MTMR9: variants seen among roughly 807,000 people sequenced by gnomAD.
MTMR9 encodes myotubularin related protein 9.
In MTMR9, 39 loss-of-function variants were observed where a neutral mutation model predicts 69.5. That is an observed-to-expected ratio of 0.56 (90% CI 0.43 to 0.73). MTMR9 has a LOEUF of 0.73. MTMR9 is among the 30% of genes least tolerant of loss of function. The pLI is 0.00. For synonymous variants in MTMR9, 354 were observed against 240.8 expected, an observed-to-expected ratio of 1.47 and a Z score of -4.35; for missense variants, 900 against 671.2, an observed-to-expected ratio of 1.34 and a Z score of -3.77.
chr8:11,300,323 G>A (rs1004257695), intron 3 of MTMR9, 175 bp downstream of exon 3: 1 of 566,140 alleles, frequency 1.8e-6, no homozygotes, highest in Non-Finnish European at 2.9e-6. Context: ...GATCACAAAG[G>A]AATTAGATTA....
chr8:11,300,829 T>G (rs1275382194), intron 3 of MTMR9: 1 of 152,252 alleles, frequency 6.6e-6, no homozygotes, highest in Non-Finnish European at 1.5e-5. Flanking sequence ...GCAAGAGATC[T>G]AAATAAAAGG....
intron 2 of MTMR9, among the ~76,000 whole-genome samples, chr8:11,296,483 C>T (rs1038260081): frequency 6.6e-6 from 1 of 152,186 alleles, no homozygotes; most frequent in African/African-American, 2.4e-5. Context: ...TGCAGCAGAT[C>T]TCCAGGACTT....
Position 11,316,701 on chromosome 8 carries a change from C to A in MTMR9, c.1142C>A (p.Ala381Glu), listed in dbSNP as rs766410348. 9 of 1,611,694 alleles carry A rather than the reference C, an allele frequency of 5.6e-6. No individual in the cohort carries two copies. Among genetic ancestry groups the A allele is most frequent in the Non-Finnish European group, 7.6e-6 (9 of 1,178,846 alleles). ...GGTCACCCATTCCAGCAGCGCTGTG[C>A]ACAGTCAGCCTACTGTAACACCAAG... ...QAGHPFQQRCAQSAYCNTKQK... is the reference protein window; with the variant it reads ...QAGHPFQQRCEQSAYCNTKQK... Residue 381 changes from alanine to glutamate, a missense_variant, in exon 8 of 10, where the codon GCA becomes GAA. Transcript: ENST00000221086.
chr8:11,332,202 G>A, downstream of MTMR9: 1 of 1,509,578 alleles, frequency 6.6e-7, no homozygotes, highest in South Asian at 1.3e-5. Flanking sequence ...AAAAATAAAA[G>A]AAAAAAAATA....
At chr8:11,288,332 AATATATAATATATTTATAT>A (rs1441139766) in intron 1 of MTMR9, among the ~76,000 whole-genome samples, 1 of 140,278 alleles carries the variant, frequency 7.1e-6, no homozygotes, top group African/African-American at 2.6e-5. Flanking sequence ...TATATACATA[AATATATAATATATTTATAT>A]ATATATAATA....
chr8:11,338,429 C>G, the MTMR9 span, among the ~76,000 whole-genome samples: 2 of 152,178 alleles, frequency 1.3e-5, no homozygotes, highest in Non-Finnish European at 2.9e-5. Context: ...GGAAGTGGCT[C>G]TATTGAACCG....
intron 6 of MTMR9, among the ~76,000 whole-genome samples, chr8:11,311,955 A>G (rs192735098): frequency 8.0e-5 from 12 of 150,656 alleles, no homozygotes; most frequent in African/African-American, 2.7e-4. Context: ...TCAGGATACT[A>G]CTTTTCTTGC....
At chr8:11,309,243 C>G (rs542254881) in intron 5 of MTMR9, among the ~76,000 whole-genome samples, 2 of 152,256 alleles carry the variant, frequency 1.3e-5, no homozygotes, top group African/African-American at 4.8e-5. Context: ...TCATGAAACG[C>G]AGGGCTCTGG....
At chr8:11,328,381 CTG>C (rs1177779413), downstream of MTMR9, among the ~76,000 whole-genome samples, 2 of 144,784 alleles carry the variant, frequency 1.4e-5, no homozygotes, top group East Asian at 2.1e-4. Context: ...GTTTGTTACA[CTG>C]TTATTTTGCT....
intron 1 of MTMR9, among the ~76,000 whole-genome samples, chr8:11,288,719 A>T (rs4841519): frequency 0.6 from 91,295 of 152,096 alleles, 27,870 homozygotes; most frequent in East Asian, 0.89. Context: ...TGCAGGCCAC[A>T]GTAATGGTTT....
intron 6 of MTMR9, among the ~76,000 whole-genome samples, chr8:11,312,303 G>A (rs1383525192): frequency 2.0e-5 from 3 of 151,846 alleles, no homozygotes; most frequent in Non-Finnish European, 4.4e-5. Flanking sequence ...TCCTGCCTCA[G>A]CCTCCCAAAG....
intron 9 of MTMR9, among the ~76,000 whole-genome samples, chr8:11,322,392 T>C (rs1800733234): frequency 1.3e-5 from 2 of 152,216 alleles, no homozygotes; most frequent in South Asian, 2.1e-4. Context: ...TTCTGAAGAA[T>C]CAATGAGCAT....
At chr8:11,329,405 A>G (rs981875540), downstream of MTMR9, among the ~76,000 whole-genome samples, 7 of 151,684 alleles carry the variant, frequency 4.6e-5, no homozygotes, top group African/African-American at 9.7e-5. Context: ...GCTCACTGCA[A>G]CCTCCCTGCC....
At chr8:11,338,206 C>T in the MTMR9 span, among the ~76,000 whole-genome samples, 3 of 152,362 alleles carry the variant, frequency 2.0e-5, no homozygotes, top group Non-Finnish European at 4.4e-5. Flanking sequence ...GATGCCAGAA[C>T]TTCCTCGGCA....
At chr8:11,316,454 C>T (rs569444459) in intron 7 of MTMR9, 5 of 389,830 alleles carry the variant, frequency 1.3e-5, no homozygotes, top group African/African-American at 2.1e-5. Context: ...ACCTTAGCCG[C>T]GCAGCCTCAT....
At position 11,319,676 on chromosome 8, in the gene MTMR9, T is replaced by C; in HGVS notation, c.1335-11T>C. ...TTAATTACTTTAATGGCAGTGTTCT[T>C]TCTTGATCAGATGTAAGTTGAAGCT... On this transcript the variant is annotated splice_polypyrimidine_tract_variant and intron_variant, in intron 8 of 9. Coordinates refer to ENST00000221086, the MANE Select transcript of MTMR9 (RefSeq NM_015458.4). The C allele has an allele frequency of 6.2e-7, 1 of 1,613,182 alleles. No homozygotes were observed. The highest frequency in any genetic ancestry group is 8.5e-7 in the Non-Finnish European group (1 of 1,179,924).
rs1314604652 is a variant in MTMR9, at chr8:11,315,037, G to A, written c.1086G>A (p.Glu362=). 1 of 1,613,710 alleles carries A rather than the reference G, an allele frequency of 6.2e-7. No individual in the cohort carries two copies. The highest frequency in any genetic ancestry group is 2.2e-5 in the East Asian group (1 of 44,880). Residue 362 remains glutamate (E), a synonymous_variant, in exon 7 of 10, where the codon GAG becomes GAA. Transcript: ENST00000221086. The part of the protein sequence containing the change: ...EPRSRTIRGF[E]ALIEREWLQA... ...GAAGCAGGACCATTCGTGGTTTTGA[G>A]GCCCTGATTGAAAGAGAGTGGCTGC...
intron 5 of MTMR9, among the ~76,000 whole-genome samples, chr8:11,307,803 G>T (rs941838193): frequency 6.6e-6 from 1 of 152,130 alleles, no homozygotes; most frequent in Non-Finnish European, 1.5e-5. Flanking sequence ...GATGAGTGAT[G>T]CAGAGCATTT....
chr8:11,325,267 A>C lies in MTMR9; in HGVS notation c.*2479A>C, dbSNP rs1800878454. The C allele has an allele frequency of 6.6e-6, 1 of 152,232 alleles. No homozygotes were observed. The highest frequency in any genetic ancestry group is 1.5e-5 in the Non-Finnish European group (1 of 68,042). 9.4% of individuals were successfully genotyped at this position (152,232 alleles called of 1,614,324 possible). A position where few individuals can be genotyped will look rare whatever the true frequency, so the allele number is the denominator to read the frequency against. ...AACGGTCAGAAATAAGTCCATTATC[A>C]ATATAATTTGAAGAAGATTTTTAGT... On this transcript the variant is annotated 3_prime_UTR_variant, in exon 10 of 10. Coordinates refer to ENST00000221086, the MANE Select transcript of MTMR9 (RefSeq NM_015458.4).
Sources: gnomAD v4.1 joint callset for allele counts (sites outside exome capture counted in the v4.1 genomes callset) on GRCh38, gnomAD v4.1.1 for gene constraint, MANE v1.5 for transcripts, NCBI Gene and HGNC (gene_info 2026-07-23, HGNC 2026-07-21) for gene names.